Variants in MYT1L observed in about 807,000 individuals in gnomAD.
The protein encoded by MYT1L is myelin transcription factor 1-like protein.
Under a neutral mutation model 126.7 loss-of-function variants are expected in MYT1L, and 12 were observed. That is an observed-to-expected ratio of 0.09 (90% CI 0.06 to 0.15). The LOEUF is 0.15. MYT1L is among the 10% of genes least tolerant of loss of function. MYT1L has a pLI of 1.00. For synonymous variants in MYT1L, 541 were observed against 604.2 expected (o/e 0.90, Z 1.53); for missense variants, 979 against 1,585.2 (o/e 0.62, Z 6.49).
chr2:2,299,825 T>C (rs2149519108), intron 1 of MYT1L, among the ~76,000 whole-genome samples: 1 of 152,336 alleles, frequency 6.6e-6, no homozygotes, highest in East Asian at 1.9e-4. Context: ...TTACAAACTT[T>C]TTCCATGTCA....
chr2:2,217,570 C>A (rs1016462183), intron 2 of MYT1L, among the ~76,000 whole-genome samples: 4 of 151,488 alleles, frequency 2.6e-5, no homozygotes, highest in Non-Finnish European at 4.4e-5. Flanking sequence ...ATAATCCCAG[C>A]TACTTGAGAG....
chr2:2,156,830 T>C (rs2148373487), intron 3 of MYT1L, among the ~76,000 whole-genome samples: 1 of 152,236 alleles, frequency 6.6e-6, no homozygotes, highest in East Asian at 1.9e-4. Flanking sequence ...AAGCGGCTGT[T>C]GGAGAGCCCT....
chr2:2,226,493 C>T (rs2094013232), intron 2 of MYT1L, among the ~76,000 whole-genome samples: 2 of 152,162 alleles, frequency 1.3e-5, no homozygotes, highest in Non-Finnish European at 1.5e-5. Flanking sequence ...TGGGGATGTG[C>T]TGTCCCAGGC....
intron 3 of MYT1L, among the ~76,000 whole-genome samples, chr2:2,124,524 GAC>G (rs1334591401): frequency 6.6e-6 from 1 of 152,142 alleles, no homozygotes; most frequent in Non-Finnish European, 1.5e-5. Flanking sequence ...TCGAACTTCT[GAC>G]CTCAGGTAAT....
intron 2 of MYT1L, among the ~76,000 whole-genome samples, chr2:2,205,555 A>G (rs1380876910): frequency 6.6e-6 from 1 of 152,210 alleles, no homozygotes; most frequent in Non-Finnish European, 1.5e-5. Flanking sequence ...ACTCATTCCT[A>G]GATTCCCATG....
chr2:2,101,429 G>A (rs1178728152), intron 3 of MYT1L, among the ~76,000 whole-genome samples: 1 of 151,948 alleles, frequency 6.6e-6, no homozygotes, highest in Admixed American at 6.6e-5. Context: ...GTTACTTCAG[G>A]CATTAAATCC....
chr2:1,867,052 AG>A (rs2045667690), intron 18 of MYT1L, among the ~76,000 whole-genome samples: 1 of 84,642 alleles, frequency 1.2e-5, no homozygotes, highest in Non-Finnish European at 2.3e-5. Context: ...CCAGGGAGAG[AG>A]GGTTGGGGGA....
chr2:1,858,602 T>C (rs2044201847), intron 18 of MYT1L, among the ~76,000 whole-genome samples: 1 of 152,036 alleles, frequency 6.6e-6, no homozygotes, highest in African/African-American at 2.4e-5. Context: ...TCCTCAGGGG[T>C]CCTGGAACCA....
intron 15 of MYT1L, 63 bp downstream of exon 15, chr2:1,891,974 G>A: frequency 6.9e-7 from 1 of 1,448,644 alleles, no homozygotes; most frequent in Non-Finnish European, 9.0e-7. Flanking sequence ...TGTCTCGGTG[G>A]CTGGGTCCGC....
chr2:1,937,194 T>TG (rs2056008575), intron 9 of MYT1L, among the ~76,000 whole-genome samples: 1 of 152,208 alleles, frequency 6.6e-6, no homozygotes, highest in Admixed American at 6.5e-5. Flanking sequence ...CCCTGCTTCC[T>TG]GTTCGACTCC....
intron 2 of MYT1L, among the ~76,000 whole-genome samples, chr2:2,216,457 C>A (rs1017729157): frequency 6.6e-6 from 1 of 152,086 alleles, no homozygotes; most frequent in African/African-American, 2.4e-5. Flanking sequence ...AAAGTATTTT[C>A]AACTGGATGA....
chr2:2,315,214 C>A (rs1481229173), intron 1 of MYT1L, among the ~76,000 whole-genome samples: 3 of 152,074 alleles, frequency 2.0e-5, no homozygotes, highest in Non-Finnish European at 4.4e-5. Flanking sequence ...GGGTCCTCAG[C>A]TGGATTTTCA....
intron 2 of MYT1L, among the ~76,000 whole-genome samples, chr2:2,248,137 A>G (rs1465877451): frequency 6.6e-6 from 1 of 151,992 alleles, no homozygotes; most frequent in African/African-American, 2.4e-5. Flanking sequence ...CTTTAGCCAG[A>G]TTAAGCAAAA....
At chr2:2,015,364 C>A (rs533243489) in intron 4 of MYT1L, among the ~76,000 whole-genome samples, 1 of 152,172 alleles carries the variant, frequency 6.6e-6, no homozygotes, top group African/African-American at 2.4e-5. Context: ...CACGTTCTTG[C>A]ATGGTTGTTG....
At chr2:2,202,376 A>G (rs556716768) in intron 2 of MYT1L, among the ~76,000 whole-genome samples, 1 of 152,308 alleles carries the variant, frequency 6.6e-6, no homozygotes, top group Non-Finnish European at 1.5e-5. Context: ...GACCACTAGC[A>G]AGACTAATAA....
chr2:2,044,596 C>T (rs939201995), intron 4 of MYT1L, among the ~76,000 whole-genome samples: 13 of 152,182 alleles, frequency 8.5e-5, no homozygotes, highest in Non-Finnish European at 1.9e-4. Flanking sequence ...GAATCTTAGA[C>T]GTCTTCTTTG....
chr2:2,021,933 C>T (rs2149834679), intron 4 of MYT1L, among the ~76,000 whole-genome samples: 2 of 152,252 alleles, frequency 1.3e-5, no homozygotes, highest in South Asian at 4.1e-4. Flanking sequence ...TACTGAGATG[C>T]CACTGTGACC....
At chr2:2,056,282 G>C (rs1307910055) in intron 3 of MYT1L, among the ~76,000 whole-genome samples, 1 of 152,164 alleles carries the variant, frequency 6.6e-6, no homozygotes, top group Non-Finnish European at 1.5e-5. Flanking sequence ...CTCTCCAGGC[G>C]TGAGGACACA....
At chr2:2,263,753 G>A (rs1007210514) in intron 2 of MYT1L, among the ~76,000 whole-genome samples, 2 of 152,096 alleles carry the variant, frequency 1.3e-5, no homozygotes, top group African/African-American at 4.8e-5. Context: ...GACGCTCCTG[G>A]CATCTGGGAG....
Sources: allele counts gnomAD v4.1 joint callset (sites outside exome capture counted in the v4.1 genomes callset), GRCh38; gene constraint gnomAD v4.1.1; transcripts MANE v1.5; gene names NCBI Gene and HGNC (gene_info 2026-07-23, HGNC 2026-07-21).